The following DLAT variants were observed in gnomAD, a reference collection of about 807,000 sequenced individuals.
DLAT encodes the protein dihydrolipoamide S-acetyltransferase.
DLAT carries 43 observed loss-of-function variants against 68.0 expected under a neutral mutation model. The observed-to-expected ratio is 0.63, with a 90% CI of 0.50 to 0.81. DLAT has a LOEUF of 0.81. Among genes scored for constraint, DLAT ranks in the 40% least tolerant of loss-of-function variants. The pLI is 0.00. For missense variants in DLAT, 745 were observed against 815.4 expected (o/e 0.91, Z 1.05); for synonymous variants, 265 against 288.6 (o/e 0.92, Z 0.83).
Position 112,064,063 on chromosome 11 carries a change from A to C in DLAT, c.*1528A>C, listed in dbSNP as rs1478265463. 70 of 990,892 alleles carry C rather than the reference A, an allele frequency of 7.1e-5. No homozygotes were observed. The highest frequency in any genetic ancestry group is 8.4e-5 in the Non-Finnish European group (58 of 690,714). The allele number at this position is 990,892 out of a possible 1,614,324, so 61.4% of individuals were successfully genotyped here. ...GTATTATTATGAAAACAATACATTA[A>C]TTTGATTTTTCAGTAATTAGTAATT... On this transcript the variant is annotated 3_prime_UTR_variant, in exon 14 of 14. Transcript: ENST00000280346.
chr11:112,048,348 T>G (rs1341803179), intron 10 of DLAT, among the ~76,000 whole-genome samples: 7 of 152,246 alleles, frequency 4.6e-5, no homozygotes, highest in African/African-American at 1.7e-4. Flanking sequence ...AAGTTGCTTA[T>G]CAGCTTAAGG....
intron 11 of DLAT, among the ~76,000 whole-genome samples, chr11:112,057,582 TC>T (rs1479034397): frequency 7.2e-5 from 11 of 152,220 alleles, no homozygotes; most frequent in Non-Finnish European, 1.2e-4. Flanking sequence ...GGTACAGCAT[TC>T]CCTTAAGCCA....
At chr11:112,061,286 C>T in intron 13 of DLAT, 112 bp downstream of exon 13, 1 of 1,108,410 alleles carries the variant, frequency 9.0e-7, no homozygotes, top group South Asian at 1.3e-5. Flanking sequence ...TATCGTGATC[C>T]ACAATGCTCA....
At chr11:112,050,649 T>C (rs587746290) in intron 10 of DLAT, among the ~76,000 whole-genome samples, 4 of 152,324 alleles carry the variant, frequency 2.6e-5, no homozygotes, top group Admixed American at 6.5e-5. Flanking sequence ...TAATTCTTTT[T>C]ACTTCTGTAA....
Position 112,059,935 on chromosome 11 carries a change from G to T in DLAT, c.1547G>T (p.Ser516Ile), listed in dbSNP as rs782629889. 4.1e-5 allele frequency: 66 copies of T among 1,612,670 alleles called. No individual in the cohort carries two copies. Among genetic ancestry groups the T allele is most frequent in the Non-Finnish European group, 5.6e-5 (66 of 1,179,444 alleles). The change falls in exon 12 of 14, where the codon AGT becomes ATT. Residue 516 changes from serine (S) to isoleucine (I), a missense_variant. Ser to Ile is a moderately radical substitution (Grantham distance 142, BLOSUM62 -2). Coordinates refer to ENST00000280346, the MANE Select transcript of DLAT (RefSeq NM_001931.5). ...GTTGTTGATGTCAGTGTTGCGGTCA[G>T]TACTCCTGCAGGACTCATCACACCT... ...NHVVDVSVAV[S>I]TPAGLITPIV...
chr11:112,052,049 G>A (rs1555182042), intron 11 of DLAT, among the ~76,000 whole-genome samples: 1 of 152,114 alleles, frequency 6.6e-6, no homozygotes, highest in Non-Finnish European at 1.5e-5. Context: ...ATAAATTAGT[G>A]TTAGGACTGT....
At chr11:112,030,565 G>A (rs1370042667) in intron 4 of DLAT, among the ~76,000 whole-genome samples, 1 of 152,156 alleles carries the variant, frequency 6.6e-6, no homozygotes, top group African/African-American at 2.4e-5. Context: ...TGAGAAAACT[G>A]ACAAAAGTTA....
chr11:112,027,897 AGGGAGAGGGAGACCGTG>A (rs1460264167), intron 2 of DLAT, among the ~76,000 whole-genome samples: 83 of 149,774 alleles, frequency 5.5e-4, no homozygotes, highest in African/African-American at 1.8e-3. Flanking sequence ...GTGGAAAGAG[AGGGAGAGGGAGACCGTG>A]GGGAGAGGGA....
rs186774326 is a variant in DLAT at position 112,053,745 on chromosome 11, G to A, written c.1514+2396G>A. Among the ~76,000 whole-genome samples, 120 of 152,172 alleles carry A rather than the reference G, an allele frequency of 7.9e-4. 2 individuals are homozygous for A. The highest frequency in any genetic ancestry group is 4.6e-3 in the Admixed American group (70 of 15,280). On this transcript the variant is annotated intron_variant, in intron 11 of 13. Coordinates refer to ENST00000280346, the MANE Select transcript of DLAT (RefSeq NM_001931.5). ...TGGGATCACAGGTGTGAGCTACCAC[G>A]CCCAGCCCTTAAACACAGCTTTTAA...
At position 112,039,259 on chromosome 11, in the gene DLAT, C is replaced by T; in HGVS notation, c.991C>T (p.Pro331Ser). 1.2e-6 allele frequency: 2 copies of T among 1,614,034 alleles called. No homozygotes were observed. Among genetic ancestry groups the T allele is most frequent in the Non-Finnish European group, 1.7e-6 (2 of 1,179,984 alleles). Residue 331 changes from proline to serine, a missense_variant, in exon 7 of 14, where the codon CCA becomes TCA. Physicochemically the swap from Pro to Ser is moderately conservative, Grantham distance 74. Coordinates refer to ENST00000280346, the MANE Select transcript of DLAT (RefSeq NM_001931.5). ...TTTTCAAAAGGTGGCCGCTGTTCCT[C>T]CAACTCCCCAGCCTTTAGCTCCTAC... ...PTPPPVAAVP[P>S]TPQPLAPTPS...
intron 5 of DLAT, among the ~76,000 whole-genome samples, chr11:112,034,708 C>T (rs1240734743): frequency 6.6e-6 from 1 of 151,890 alleles, no homozygotes; most frequent in Non-Finnish European, 1.5e-5. Context: ...TCCCAAAGCG[C>T]TGGGATTACA....
intron 4 of DLAT, chr11:112,030,338 G>C (rs887612887): frequency 2.9e-5 from 14 of 490,790 alleles, no homozygotes; most frequent in Non-Finnish European, 1.6e-5. Context: ...ACACCATGGG[G>C]TTAGCAGGGC....
chr11:112,025,409 C>T lies in DLAT; in HGVS notation c.-64C>T. ...TGCGGTGTGGCTGACGGCAACGCCG[C>T]TGCTCTTGGAGAGGTCACTCCGGAG... is the stretch of plus-strand genomic sequence containing the variant. On this transcript the variant is annotated 5_prime_UTR_variant, in exon 1 of 14. Coordinates refer to ENST00000280346, the MANE Select transcript of DLAT (RefSeq NM_001931.5). 6.4e-7 allele frequency: 1 copy of T among 1,562,330 alleles called. No homozygotes were observed. Among genetic ancestry groups the T allele is most frequent in the Non-Finnish European group, 8.6e-7 (1 of 1,158,566 alleles).
In DLAT at chr11:112,062,695, A is replaced by T. The variant is rs1864712166; in HGVS notation, c.*160A>T. 5 of 826,376 alleles carry T rather than the reference A, an allele frequency of 6.1e-6. No individual in the cohort carries two copies. The South Asian group carries it at 8.3e-5, about 14-fold the overall frequency. The allele number at this position is 826,376 out of a possible 1,614,324, so 51.2% of individuals were successfully genotyped here. On this transcript the variant is annotated 3_prime_UTR_variant, in exon 14 of 14. Coordinates refer to ENST00000280346, the MANE Select transcript of DLAT (RefSeq NM_001931.5). ...TTATAATGGGCATTACTGAATTTTT[A>T]AAATGCCGATTACACCCAAATATTG...
chr11:112,062,624 A>T lies in DLAT; in HGVS notation c.*89A>T. Reference sequence around the variant, plus strand: ...TGTTATTAAACAGGTGGTTCTTTTTATTTTAACCAGTTATTTTTATTATTG... The same window carrying T: ...TGTTATTAAACAGGTGGTTCTTTTTTTTTTAACCAGTTATTTTTATTATTG... On this transcript the variant is annotated 3_prime_UTR_variant, in exon 14 of 14. Transcript: ENST00000280346. The T allele has an allele frequency of 7.0e-7, 1 of 1,431,434 alleles. No individual in the cohort carries two copies. Among genetic ancestry groups the T allele is most frequent in the South Asian group, 1.2e-5 (1 of 83,448 alleles). The allele number at this position is 1,431,434 out of a possible 1,614,324, so 88.7% of individuals were successfully genotyped here. A position where few individuals can be genotyped will look rare whatever the true frequency, so the allele number is the denominator to read the frequency against.
chr11:112,058,019 G>A (rs1406577500), intron 11 of DLAT, among the ~76,000 whole-genome samples: 3 of 152,098 alleles, frequency 2.0e-5, no homozygotes, highest in Non-Finnish European at 4.4e-5. Flanking sequence ...CATGTGACTC[G>A]CTTTATTGCA....
intron 11 of DLAT, among the ~76,000 whole-genome samples, chr11:112,052,016 G>GT (rs1555182041): frequency 6.6e-6 from 1 of 152,158 alleles, no homozygotes; most frequent in African/African-American, 2.4e-5. Context: ...GACTCCGTGA[G>GT]TTAAGTAACT....
Position 112,062,686 on chromosome 11 carries a change from T to C in DLAT, c.*151T>C, listed in dbSNP as rs587719375. On this transcript the variant is annotated 3_prime_UTR_variant, in exon 14 of 14. Transcript: ENST00000280346. ...ATAAGTTATTTATAATGGGCATTAC[T>C]GAATTTTTAAAATGCCGATTACACC... is the stretch of plus-strand genomic sequence containing the variant. The C allele has an allele frequency of 3.2e-5, 30 of 933,520 alleles. No homozygotes were observed. In the African/African-American group the frequency reaches 4.3e-4, roughly 13 times the overall value. 57.8% of individuals were successfully genotyped at this position (933,520 alleles called of 1,614,324 possible). A position where few individuals can be genotyped will look rare whatever the true frequency, so the allele number is the denominator to read the frequency against.
At chr11:112,034,446 A>T (rs868963494) in intron 5 of DLAT, among the ~76,000 whole-genome samples, 2,282 of 144,348 alleles carry the variant, frequency 0.016, 31 homozygotes, top group Non-Finnish European at 0.023. Context: ...TATTATTATT[A>T]TTTTTTTTTT....
Sources: gnomAD v4.1 joint callset for allele counts (sites outside exome capture counted in the v4.1 genomes callset) on GRCh38, gnomAD v4.1.1 for gene constraint, MANE v1.5 for transcripts, NCBI Gene and HGNC (gene_info 2026-07-23, HGNC 2026-07-21) for gene names.